The following BCORL1 variants were observed in gnomAD, a reference collection of about 807,000 sequenced individuals.
The protein encoded by BCORL1 is BCL6 corepressor like 1, also known as BCL-6 corepressor-like protein 1.
BCORL1 carries 7 observed loss-of-function variants against 87.6 expected under a neutral mutation model. That is an observed-to-expected ratio of 0.08 (90% CI 0.05 to 0.15). The LOEUF is 0.15. BCORL1 is among the 10% of genes least tolerant of loss of function. BCORL1 has a pLI of 1.00. For missense variants in BCORL1, 1,215 were observed against 1,499.7 expected (o/e 0.81, Z 3.13); for synonymous variants, 591 against 634.4 (o/e 0.93, Z 1.03).
intron 7 of BCORL1, 106 bp from the exon 8 acceptor site, chrX:130,028,529 C>A (rs1930379428): frequency 1.5e-6 from 1 of 653,241 alleles, no homozygotes; most frequent in Non-Finnish European, 2.5e-6. Context: ...CAACTTTGCA[C>A]TGCAGTTCTA....
intron 5 of BCORL1, among the ~76,000 whole-genome samples, chrX:130,022,196 C>T (rs1241272019): frequency 9.2e-6 from 1 of 108,598 alleles, no homozygotes; most frequent in Non-Finnish European, 1.9e-5. Flanking sequence ...GGGACCTGCT[C>T]CAGCTCAGTT....
intron 8 of BCORL1, among the ~76,000 whole-genome samples, chrX:130,033,748 C>T (rs1930763489): frequency 1.8e-5 from 2 of 111,332 alleles, no homozygotes; most frequent in African/African-American, 3.3e-5. Context: ...TTTGGGAGGC[C>T]GAGGCAGGCG....
chrX:130,026,350 C>A (rs138725325), intron 7 of BCORL1, among the ~76,000 whole-genome samples: 2 of 112,389 alleles, frequency 1.8e-5, no homozygotes, highest in Admixed American at 1.9e-4. Context: ...ACCTCATTTC[C>A]GGCTCTGTTT....
At chrX:130,024,252 C>A (rs1245994379) in intron 6 of BCORL1, among the ~76,000 whole-genome samples, 1 of 110,808 alleles carries the variant, frequency 9.0e-6, no homozygotes, top group Admixed American at 9.6e-5. Flanking sequence ...AGCGCTTGCC[C>A]AGCGGTGAGG....
At chrX:130,039,015 C>G in intron 10 of BCORL1, 122 bp from the exon 11 acceptor site, 1 of 772,001 alleles carries the variant, frequency 1.3e-6, no homozygotes, top group Non-Finnish European at 1.9e-6. Flanking sequence ...AGTCTTAAAC[C>G]ATATTACACC....
At chrX:130,038,495 T>A (rs1392634247) in intron 10 of BCORL1, among the ~76,000 whole-genome samples, 2 of 109,041 alleles carry the variant, frequency 1.8e-5, no homozygotes, top group Non-Finnish European at 3.8e-5. Flanking sequence ...CTTTTTTTTT[T>A]TTTTGAGATG....
At chrX:130,047,740 AT>A (rs1455561273) in intron 11 of BCORL1, among the ~76,000 whole-genome samples, 4 of 110,569 alleles carry the variant, frequency 3.6e-5, no homozygotes, top group Non-Finnish European at 5.7e-5. Flanking sequence ...CCTTGTAGGA[AT>A]TCCTCCCTCC....
At position 130,050,496 on chromosome X, in the gene BCORL1, T is replaced by A. The variant is rs139502390; in HGVS notation, c.4841-221T>A. Among the ~76,000 whole-genome samples the A allele has an allele frequency of 8.7e-3, 952 of 109,894 alleles. 6 individuals are homozygous for A. Among genetic ancestry groups the A allele is most frequent in the African/African-American group, 0.029 (888 of 30,120 alleles). The stretch of plus-strand genomic sequence containing the variant: ...TTTTTTTTTCTTTTAAAGCACTGGG[T>A]CAAACACTAGGCAGTCAGTGGGTTA... On this transcript the variant is annotated intron_variant, in intron 11 of 13. Transcript: ENST00000540052.
At chrX:130,033,421 T>C (rs1930748319) in intron 8 of BCORL1, among the ~76,000 whole-genome samples, 1 of 112,089 alleles carries the variant, frequency 8.9e-6, no homozygotes, top group Non-Finnish European at 1.9e-5. Context: ...TGCTCACAGT[T>C]CTGGAGCCTT....
At chrX:130,038,771 C>T (rs940878809) in intron 10 of BCORL1, among the ~76,000 whole-genome samples, 4 of 111,742 alleles carry the variant, frequency 3.6e-5, no homozygotes, top group Non-Finnish European at 3.8e-5. Flanking sequence ...CGTGAGCCAC[C>T]GCGCCCGGCT....
At chrX:130,018,594 A>G (rs1256877239) in intron 4 of BCORL1, among the ~76,000 whole-genome samples, 16 of 112,179 alleles carry the variant, frequency 1.4e-4, no homozygotes. Context: ...GGTTGCTGTT[A>G]TTGTTAGCAT....
Position 130,025,416 on chromosome X carries a change from C to T in BCORL1, c.4078+37C>T, listed in dbSNP as rs201008706. ...CAGGGGCTCTGCTGTCGCCGCGGCC[C>T]GTTTGGCTTCTGGGAACCCTCGGGC... On this transcript the variant is annotated intron_variant, in intron 7 of 13. Transcript: ENST00000540052. The T allele has an allele frequency of 4.5e-6, 5 of 1,112,429 alleles. No individual in the cohort carries two copies. In the African/African-American group the frequency reaches 5.6e-5, roughly 12 times the overall value. 91.7% of individuals were successfully genotyped at this position (1,112,429 alleles called of 1,213,427 possible).
chrX:130,057,444 CG>C lies in BCORL1; in HGVS notation c.*1309del, dbSNP rs1465018802. ...GGAGCTTGGGTTGCTTCCCTGTCCC[CG>C]CCCCCTCTGTGGCATTGTCCCTCCC... On this transcript the variant is annotated 3_prime_UTR_variant, in exon 14 of 14. Coordinates refer to ENST00000540052, the MANE Select transcript of BCORL1 (RefSeq NM_001379451.1). 1 of 111,693 alleles carries C rather than the reference CG, an allele frequency of 9.0e-6. No homozygotes were observed. The highest frequency in any genetic ancestry group is 2.8e-4 in the East Asian group (1 of 3,535). 9.2% of individuals were successfully genotyped at this position (111,693 alleles called of 1,213,427 possible). A position where few individuals can be genotyped will look rare whatever the true frequency, so the allele number is the denominator to read the frequency against.
At chrX:129,991,005 G>A (rs1361659513) in intron 1 of BCORL1, among the ~76,000 whole-genome samples, 3 of 111,792 alleles carry the variant, frequency 2.7e-5, no homozygotes, top group African/African-American at 6.5e-5. Context: ...GCGTGATCTC[G>A]GCTTACTGCA....
At chrX:130,018,834 CG>C (rs749330109) in intron 4 of BCORL1, among the ~76,000 whole-genome samples, 4 of 112,347 alleles carry the variant, frequency 3.6e-5, no homozygotes, top group Middle Eastern at 9.3e-3. Context: ...CAAATCACTT[CG>C]TTCCTTCTTT....
chrX:130,003,440 T>C (rs923477758), intron 1 of BCORL1, among the ~76,000 whole-genome samples: 2 of 107,575 alleles, frequency 1.9e-5, no homozygotes, highest in Non-Finnish European at 3.8e-5. Context: ...TGGCATGGTA[T>C]CAGCTCGCCG....
intron 8 of BCORL1, among the ~76,000 whole-genome samples, chrX:130,030,258 A>G (rs1278180258): frequency 8.9e-6 from 1 of 111,948 alleles, no homozygotes; most frequent in Non-Finnish European, 1.9e-5. Context: ...ATGAGGGAAC[A>G]GAGGCATAGC....
chrX:130,049,295 T>A (rs1302770090), intron 11 of BCORL1, among the ~76,000 whole-genome samples: 2 of 112,457 alleles, frequency 1.8e-5, no homozygotes, highest in Non-Finnish European at 3.8e-5. Context: ...TTTGGATTGT[T>A]TCCACCTTTT....
intron 8 of BCORL1, among the ~76,000 whole-genome samples, chrX:130,030,979 G>A (rs911323634): frequency 1.5e-4 from 17 of 112,687 alleles, no homozygotes; most frequent in Admixed American, 4.7e-4. Context: ...GGCGGGGAAC[G>A]CTCCTGCAAC....
Sources: gnomAD v4.1 joint callset for allele counts (sites outside exome capture counted in the v4.1 genomes callset) on GRCh38, gnomAD v4.1.1 for gene constraint, MANE v1.5 for transcripts, NCBI Gene and HGNC (gene_info 2026-07-23, HGNC 2026-07-21) for gene names.